Variants in SH3KBP1 observed in about 807,000 individuals in gnomAD.
The protein encoded by SH3KBP1 is SH3 domain containing kinase binding protein 1, also known as SH3 domain-containing kinase-binding protein 1.
Under a neutral mutation model 50.1 loss-of-function variants are expected in SH3KBP1, and 8 were observed. That is an observed-to-expected ratio of 0.16 (90% confidence interval 0.09 to 0.29). The LOEUF is 0.29. Ranked by LOEUF, SH3KBP1 falls within the 10% of genes least tolerant of loss-of-function variation. SH3KBP1 has a pLI of 1.00. For missense variants in SH3KBP1, 377 were observed against 535.2 expected, an observed-to-expected ratio of 0.70 and a Z score of 2.92; for synonymous variants, 227 against 218.6, an observed-to-expected ratio of 1.04 and a Z score of -0.34.
At chrX:19,793,450 C>G (rs2066607105) in intron 2 of SH3KBP1, among the ~76,000 whole-genome samples, 1 of 110,305 alleles carries the variant, frequency 9.1e-6, no homozygotes, top group African/African-American at 3.3e-5. Context: ...AGGCAGGCAA[C>G]TGTACTATCC....
At chrX:19,665,088 T>C (rs188632572) in intron 6 of SH3KBP1, among the ~76,000 whole-genome samples, 2 of 111,780 alleles carry the variant, frequency 1.8e-5, no homozygotes, top group East Asian at 5.6e-4. Context: ...CTGCTTCTAA[T>C]AGAGAGAGAC....
chrX:19,736,374 G>C (rs1482550161), intron 3 of SH3KBP1, among the ~76,000 whole-genome samples: 1 of 112,467 alleles, frequency 8.9e-6, no homozygotes, highest in Non-Finnish European at 1.9e-5. Flanking sequence ...CTTGTCTAAA[G>C]TGCTGCAGAA....
At chrX:19,701,926 C>A (rs1203057181) in intron 4 of SH3KBP1, among the ~76,000 whole-genome samples, 2 of 112,002 alleles carry the variant, frequency 1.8e-5, no homozygotes, top group Non-Finnish European at 3.8e-5. Flanking sequence ...ATGATTGCAG[C>A]CTGTTTTGCA....
intron 2 of SH3KBP1, among the ~76,000 whole-genome samples, chrX:19,756,704 T>C (rs1053349357): frequency 9.0e-6 from 1 of 111,093 alleles, no homozygotes; most frequent in Non-Finnish European, 1.9e-5. Context: ...TGTACAAGAT[T>C]AATCGTTATG....
chrX:19,694,839 T>C (rs964879710), intron 5 of SH3KBP1, among the ~76,000 whole-genome samples: 1 of 111,809 alleles, frequency 8.9e-6, no homozygotes, highest in East Asian at 2.8e-4. Context: ...TGCCCTCCTC[T>C]TGTCAGAAAG....
intron 6 of SH3KBP1, among the ~76,000 whole-genome samples, chrX:19,653,528 T>A (rs1214617436): frequency 9.1e-6 from 1 of 109,486 alleles, no homozygotes; most frequent in African/African-American, 3.3e-5. Flanking sequence ...CTGACCAACA[T>A]GGTGAAACCC....
rs113661649 is a variant in SH3KBP1 at position 19,653,326 on chromosome X, C to T, written c.727-7851G>A. 3.4e-3 allele frequency among the ~76,000 whole-genome samples: 377 copies of T among 111,735 alleles called. 3 individuals carry two copies. Among genetic ancestry groups the T allele is most frequent in the African/African-American group, 0.012 (357 of 30,798 alleles). On this transcript the variant is annotated intron_variant, in intron 6 of 17. Transcript: ENST00000397821. ...AGACAAAGATCCTATCCCCAGATTC[C>T]ATCTTCTTCATTTGATCTCCCACAA...
intron 1 of SH3KBP1, among the ~76,000 whole-genome samples, chrX:19,856,951 C>G (rs1476447537): frequency 1.1e-3 from 22 of 20,038 alleles, no homozygotes; most frequent in Non-Finnish European, 1.6e-3. Flanking sequence ...TAATACTAGT[C>G]TTTTTTTTTT....
intron 6 of SH3KBP1, among the ~76,000 whole-genome samples, chrX:19,651,150 C>T (rs1474974723): frequency 9.1e-6 from 1 of 110,067 alleles, no homozygotes. Flanking sequence ...GAGCAGAAGC[C>T]CTGTGAGCCA....
chrX:19,588,333 G>C, intron 12 of SH3KBP1: 11 of 1,068,987 alleles, frequency 1.0e-5, no homozygotes, highest in Non-Finnish European at 1.2e-5. Context: ...AGGCTGAAGG[G>C]CAGTTGGCCT....
At chrX:19,702,919 T>G (rs772267302) in intron 4 of SH3KBP1, among the ~76,000 whole-genome samples, 1 of 112,686 alleles carries the variant, frequency 8.9e-6, no homozygotes, top group African/African-American at 3.2e-5. Context: ...GCTACTTTCC[T>G]TTTGAATTGG....
chrX:19,572,111 G>A (rs1336946208), intron 12 of SH3KBP1, among the ~76,000 whole-genome samples: 1 of 109,320 alleles, frequency 9.1e-6, no homozygotes, highest in Non-Finnish European at 1.9e-5. Flanking sequence ...ACCCTATTGT[G>A]CATTACTATG....
At chrX:19,616,246 G>C (rs1471742646) in intron 8 of SH3KBP1, among the ~76,000 whole-genome samples, 2 of 111,804 alleles carry the variant, frequency 1.8e-5, no homozygotes, top group Admixed American at 1.9e-4. Context: ...ACAGGTGTGA[G>C]CCACCACGCC....
chrX:19,873,286 A>ACGTG (rs200576869), intron 1 of SH3KBP1, among the ~76,000 whole-genome samples: 2 of 91,850 alleles, frequency 2.2e-5, no homozygotes, highest in African/African-American at 9.4e-5. Flanking sequence ...ATATATATAT[A>ACGTG]TATGTATATA....
At chrX:19,715,274 CAAAAA>C (rs35221727) in intron 3 of SH3KBP1, among the ~76,000 whole-genome samples, 1 of 40,324 alleles carries the variant, frequency 2.5e-5, no homozygotes, top group African/African-American at 7.9e-5. Flanking sequence ...ACCTTGTCTC[CAAAAA>C]AAAAAAAAAA....
At chrX:19,872,785 G>A (rs2069092584) in intron 1 of SH3KBP1, among the ~76,000 whole-genome samples, 1 of 104,836 alleles carries the variant, frequency 9.5e-6, no homozygotes, top group African/African-American at 3.5e-5. Flanking sequence ...AAAAAAAGAA[G>A]TATCAGTTGA....
intron 2 of SH3KBP1, among the ~76,000 whole-genome samples, chrX:19,762,664 C>G (rs994993175): frequency 3.6e-5 from 4 of 111,849 alleles, no homozygotes; most frequent in African/African-American, 9.8e-5. Context: ...GCCAGCTCTG[C>G]AGGAATTACT....
intron 4 of SH3KBP1, among the ~76,000 whole-genome samples, chrX:19,696,576 G>A (rs1280044886): frequency 9.0e-6 from 1 of 111,296 alleles, no homozygotes; most frequent in African/African-American, 3.3e-5. Flanking sequence ...AATGGATGAG[G>A]CAGATTTGGA....
At chrX:19,587,295 T>C (rs751133958) in intron 12 of SH3KBP1, among the ~76,000 whole-genome samples, 6 of 107,458 alleles carry the variant, frequency 5.6e-5, no homozygotes, top group Middle Eastern at 4.8e-3. Context: ...GTCAAATCCA[T>C]AGAGACAGAA....
Sources: allele counts gnomAD v4.1 joint callset (sites outside exome capture counted in the v4.1 genomes callset), GRCh38; gene constraint gnomAD v4.1.1; transcripts MANE v1.5; gene names NCBI Gene and HGNC (gene_info 2026-07-23, HGNC 2026-07-21).